SLC1A5: variants seen among roughly 807,000 people sequenced by gnomAD.
The protein encoded by SLC1A5 is solute carrier family 1 member 5, also known as neutral amino acid transporter B(0).
A neutral mutation model predicts 34.9 loss-of-function variants in SLC1A5; 25 were observed. The observed-to-expected ratio is 0.72, with a 90% confidence interval of 0.52 to 1.00. The LOEUF (loss-of-function observed/expected upper bound fraction) is 1.00, where lower values mean the gene tolerates loss of function less well. SLC1A5 is among the 50% of genes least tolerant of loss of function. SLC1A5 has a pLI of 0.00. For missense variants in SLC1A5, 637 were observed against 740.0 expected (o/e 0.86, Z 1.61); for synonymous variants, 351 against 341.2 (o/e 1.03, Z -0.32).
rs1193832920 is a variant in SLC1A5, at chr19:46,787,766, G to A, written c.200C>T (p.Ala67Val). 1.9e-6 allele frequency: 3 copies of A among 1,549,122 alleles called. No homozygotes were observed. The highest frequency in any genetic ancestry group is 2.6e-6 in the Non-Finnish European group (3 of 1,150,406). ...LTVVAVVAGVALGLGVSGAGG... is the reference protein window; with the variant it reads ...LTVVAVVAGVVLGLGVSGAGG... ...GGCCCCCGACACCCCCAGTCCCAGC[G>A]CCACGCCGGCCACCACGGCCACCAC... is the stretch of plus-strand genomic sequence containing the variant. Residue 67 changes from alanine to valine, a missense_variant, in exon 1 of 8, where the codon GCG (alanine) becomes GTG (valine). By Grantham distance (64) the Ala-to-Val change is moderately conservative. Coordinates refer to ENST00000542575, the MANE Select transcript of SLC1A5 (RefSeq NM_005628.3). This position sits in a 1 kb window ranked among gnomAD's most constrained non-coding sequence, Gnocchi z 5.2.
At chr19:46,784,639 T>G in intron 1 of SLC1A5, 80 bp from the exon 2 acceptor site, 2 of 1,613,178 alleles carry the variant, frequency 1.2e-6, no homozygotes, top group Non-Finnish European at 1.7e-6. Context: ...GTTGGCGTTT[T>G]AAGGCAGCGA....
chr19:46,782,342 T>TGCCACCCCCCCCCCCCCCCCCCCCCA, intron 4 of SLC1A5, 41 bp downstream of exon 4: 2 of 523,372 alleles, frequency 3.8e-6, no homozygotes, highest in Non-Finnish European at 7.0e-6. Context: ...AGACCGACCC[T>TGCCACCCCCCCCCCCCCCCCCCCCCA]CCAACCCCAC....
At chr19:46,777,490 G>A (rs1254064977) in intron 5 of SLC1A5, 85 bp from the exon 6 acceptor site, 2 of 1,316,588 alleles carry the variant, frequency 1.5e-6, no homozygotes, top group Non-Finnish European at 2.0e-6. Flanking sequence ...GTGAGGCCTC[G>A]CCTACCCCAC....
At chr19:46,786,053 C>CAA (rs34681600) in intron 1 of SLC1A5, among the ~76,000 whole-genome samples, 109 of 102,598 alleles carry the variant, frequency 1.1e-3, no homozygotes, top group African/African-American at 2.2e-3. Flanking sequence ...GAGACTGTCT[C>CAA]AAAAAAAAAA....
chr19:46,778,781 G>T lies in SLC1A5; in HGVS notation c.952C>A (p.Leu318Ile). The T allele has an allele frequency of 6.2e-7, 1 of 1,613,982 alleles. No homozygotes were observed. Among genetic ancestry groups the T allele is most frequent in the Non-Finnish European group, 8.5e-7 (1 of 1,179,956 alleles). The change falls in exon 5 of 8, where the codon CTC becomes ATC. Residue 318 changes from leucine (L) to isoleucine (I), a missense_variant. Coordinates refer to ENST00000542575, the MANE Select transcript of SLC1A5 (RefSeq NM_005628.3). The part of the protein sequence containing the change: ...CCLLGHAIHG[L>I]LVLPLIYFLF... ...AAGTAGATGAGGGGCAGTACCAGGA[G>T]CCCATGGATGGCGTGACCCAGCAGG...
intron 1 of SLC1A5, among the ~76,000 whole-genome samples, chr19:46,785,843 G>A (rs559824830): frequency 6.6e-6 from 1 of 152,342 alleles, no homozygotes; most frequent in East Asian, 1.9e-4. Flanking sequence ...CTTTTGGGAG[G>A]CTGAGGTGGG....
At chr19:46,782,345 A>AACCCCCCCCCCCCCCCCCCCCACAC in intron 4 of SLC1A5, 38 bp downstream of exon 4, 1 of 292,428 alleles carries the variant, frequency 3.4e-6, no homozygotes, top group Non-Finnish European at 6.7e-6. Flanking sequence ...CCGACCCTCC[A>AACCCCCCCCCCCCCCCCCCCCACAC]ACCCCACCCA....
rs748489866 is a variant in SLC1A5, at chr19:46,776,970, C to G, written c.1388+5G>C. The G allele has an allele frequency of 5.6e-6, 9 of 1,613,104 alleles. No individual in the cohort carries two copies. The South Asian group carries it at 8.8e-5, about 16-fold the overall frequency. On this transcript the variant is annotated splice_donor_5th_base_variant and intron_variant, in intron 7 of 7. Coordinates refer to ENST00000542575, the MANE Select transcript of SLC1A5 (RefSeq NM_005628.3). ...CCCTGCCCCAGTCTCCAGACCCACA[C>G]TCACACTAGCCAGTCCACAGCCAGG... is the stretch of plus-strand genomic sequence containing the variant.
chr19:46,787,122 C>T lies in SLC1A5; in HGVS notation c.566+278G>A, dbSNP rs2055192140. The T allele has an allele frequency of 1.4e-5, 12 of 881,704 alleles. No individual in the cohort carries two copies. Among genetic ancestry groups the T allele is most frequent in the Non-Finnish European group, 1.9e-5 (12 of 641,436 alleles). 54.6% of individuals were successfully genotyped at this position (881,704 alleles called of 1,614,324 possible). ...GGTCCCCTCCCCTCAGTGTCTTTCT[C>T]CCCTAGGCAGACCCTCCTATGTCTC... is the stretch of plus-strand genomic sequence containing the variant. On this transcript the variant is annotated intron_variant, in intron 1 of 7. Transcript: ENST00000542575. The surrounding 1 kb of genome is among the most constrained non-coding windows in gnomAD (Gnocchi z 5.2).
At position 46,775,029 on chromosome 19, in the gene SLC1A5, A is replaced by G; in HGVS notation, c.*481T>C. 1.0e-6 allele frequency: 1 copy of G among 987,312 alleles called. No homozygotes were observed. The highest frequency in any genetic ancestry group is 1.2e-6 in the Non-Finnish European group (1 of 832,082). 61.2% of individuals were successfully genotyped at this position (987,312 alleles called of 1,614,324 possible). ...GGGATCTGGGGACAGGGTGGGACGTACCATGGGGACAGGAGGTCACAGAAC... is the reference window on the plus strand; with the variant it reads ...GGGATCTGGGGACAGGGTGGGACGTGCCATGGGGACAGGAGGTCACAGAAC... On this transcript the variant is annotated 3_prime_UTR_variant, in exon 8 of 8. Coordinates refer to ENST00000542575, the MANE Select transcript of SLC1A5 (RefSeq NM_005628.3).
Position 46,787,564 on chromosome 19 carries a change from A to G in SLC1A5, c.402T>C (p.Phe134=), listed in dbSNP as rs1451716468. The change falls in exon 1 of 8, where the codon TTT becomes TTC. Residue 134 remains phenylalanine, a synonymous_variant. Transcript: ENST00000542575. This position sits in a 1 kb window ranked among gnomAD's most constrained non-coding sequence, Gnocchi z 5.2. ...ACGCCAGCAGCGTGGTGACCAGGAA[A>G]AAGAGCAGCGCCCAGGCGCCCAGAC... ...LGRLGAWALL[F]FLVTTLLASA... is the part of the protein sequence containing the mutation. The G allele has an allele frequency of 3.2e-6, 5 of 1,569,808 alleles. No individual in the cohort carries two copies. In the African/African-American group the frequency reaches 6.8e-5, roughly 21 times the overall value.
At position 46,787,225 on chromosome 19, in the gene SLC1A5, G is replaced by A. The variant is rs1404873773; in HGVS notation, c.566+175C>T. The A allele has an allele frequency of 5.6e-6, 8 of 1,426,328 alleles. No individual in the cohort carries two copies. In the South Asian group the frequency reaches 1.1e-4, roughly 19 times the overall value. 88.4% of individuals were successfully genotyped at this position (1,426,328 alleles called of 1,614,324 possible). A position where few individuals can be genotyped will look rare whatever the true frequency, so the allele number is the denominator to read the frequency against. ...CCAGATTTAGAAACCCCTTCCCCAGGAGACTAGACTCACACTCCCGAGGGC... is the reference window on the plus strand; with the variant it reads ...CCAGATTTAGAAACCCCTTCCCCAGAAGACTAGACTCACACTCCCGAGGGC... On this transcript the variant is annotated intron_variant, in intron 1 of 7. Transcript: ENST00000542575. This position sits in a 1 kb window ranked among gnomAD's most constrained non-coding sequence, Gnocchi z 5.2.
rs573113371 is a variant in SLC1A5 at position 46,777,779 on chromosome 19, G to T, written c.1059-374C>A. ...CACCCACGTCCCCAGTCTGTCCCTTGGCCCAAGGCCCCCACATCTAACCTA... is the reference window on the plus strand; with the variant it reads ...CACCCACGTCCCCAGTCTGTCCCTTTGCCCAAGGCCCCCACATCTAACCTA... On this transcript the variant is annotated intron_variant, in intron 5 of 7. Coordinates refer to ENST00000542575, the MANE Select transcript of SLC1A5 (RefSeq NM_005628.3). Among the ~76,000 whole-genome samples, 1,131 of 147,874 alleles carry T rather than the reference G, an allele frequency of 7.6e-3. 10 individuals are homozygous for T. The highest frequency in any genetic ancestry group is 0.027 in the African/African-American group (1,073 of 40,112).
At position 46,781,530 on chromosome 19, in the gene SLC1A5, G is replaced by A. The variant is rs554577351; in HGVS notation, c.824+853C>T. On this transcript the variant is annotated intron_variant, in intron 4 of 7. Coordinates refer to ENST00000542575, the MANE Select transcript of SLC1A5 (RefSeq NM_005628.3). ...GGAGAATCTCTTGAACCCGGGAGGCGGAGTTTGCAGTGAGCTGAGATCACG... is the reference window on the plus strand; with the variant it reads ...GGAGAATCTCTTGAACCCGGGAGGCAGAGTTTGCAGTGAGCTGAGATCACG... Among the ~76,000 whole-genome samples, 9 of 152,202 alleles carry A rather than the reference G, an allele frequency of 5.9e-5. No individual in the cohort carries two copies. The East Asian group carries it at 1.4e-3, about 23-fold the overall frequency.
At chr19:46,778,349 ACC>A (rs763491915) in intron 5 of SLC1A5, among the ~76,000 whole-genome samples, 12 of 151,992 alleles carry the variant, frequency 7.9e-5, no homozygotes, top group Non-Finnish European at 1.5e-4. Context: ...AATCACTTGA[ACC>A]CAGGAGGCAG....
chr19:46,783,466 CAAAAAAA>C (rs113636275), intron 3 of SLC1A5, among the ~76,000 whole-genome samples: 2 of 99,814 alleles, frequency 2.0e-5, no homozygotes, highest in South Asian at 3.3e-4. Flanking sequence ...AATTCTGTCT[CAAAAAAA>C]AAAAAAAAAA....
At chr19:46,781,751 G>A (rs2055147921) in intron 4 of SLC1A5, among the ~76,000 whole-genome samples, 1 of 152,196 alleles carries the variant, frequency 6.6e-6, no homozygotes, top group African/African-American at 2.4e-5. Context: ...CTTGTGCAGA[G>A]AAGGGAGGCT....
At position 46,777,249 on chromosome 19, in the gene SLC1A5, G is replaced by C; in HGVS notation, c.1215C>G (p.Ser405Arg). The change falls in exon 6 of 8, where the codon AGC becomes AGG. Residue 405 changes from serine (S) to arginine (R), a missense_variant. Physicochemically the swap from Ser to Arg is moderately radical, Grantham distance 110. Coordinates refer to ENST00000542575, the MANE Select transcript of SLC1A5 (RefSeq NM_005628.3). ...CVAAVFIAQLSQQSLDFVKII... is the reference protein window; with the variant it reads ...CVAAVFIAQLRQQSLDFVKII... ...TCTTTACGAAGTCCAAGGACTGCTG[G>C]CTGAGCTGTGCAATGAACACTGCGG... 6.2e-7 allele frequency: 1 copy of C among 1,610,710 alleles called. No homozygotes were observed. Among genetic ancestry groups the C allele is most frequent in the Non-Finnish European group, 8.5e-7 (1 of 1,178,220 alleles).
At chr19:46,779,889 G>A (rs1247263987) in intron 4 of SLC1A5, among the ~76,000 whole-genome samples, 1 of 150,796 alleles carries the variant, frequency 6.6e-6, no homozygotes, top group East Asian at 1.9e-4. Flanking sequence ...GTCTCACTCT[G>A]TTGCCCAGGC....
Sources: allele counts gnomAD v4.1 joint callset (sites outside exome capture counted in the v4.1 genomes callset), GRCh38; gene constraint gnomAD v4.1.1; non-coding constraint Gnocchi (gnomAD v3.1); transcripts MANE v1.5; gene names NCBI Gene and HGNC (gene_info 2026-07-23, HGNC 2026-07-21).